Variants in A3GALT2 observed in about 807,000 individuals in gnomAD.
A3GALT2 encodes alpha-1,3-galactosyltransferase 2.
A3GALT2 carries 14 observed loss-of-function variants against 16.6 expected under a neutral mutation model. The observed-to-expected ratio is 0.84, with a 90% confidence interval of 0.56 to 1.32. The LOEUF (loss-of-function observed/expected upper bound fraction) is 1.32. A3GALT2 is among the 40% of genes most tolerant of loss of function. A3GALT2 has a pLI of 0.00. For synonymous variants in A3GALT2, 253 were observed against 218.0 expected (o/e 1.16, Z -1.42); for missense variants, 600 against 490.9 (o/e 1.22, Z -2.10).
At position 33,312,200 on chromosome 1, in the gene A3GALT2, C is replaced by G; in HGVS notation, c.198-11G>C. 6.2e-7 allele frequency: 1 copy of G among 1,612,636 alleles called. No homozygotes were observed. The highest frequency in any genetic ancestry group is 8.5e-7 in the Non-Finnish European group (1 of 1,179,594). ...ACTTCAGGCCGGGCCCTGGCCAGGG[C>G]AGGGATGGGAAATGGAAATAGCTCC... is the stretch of plus-strand genomic sequence containing the variant. On this transcript the variant is annotated splice_polypyrimidine_tract_variant and intron_variant, in intron 3 of 4. Transcript: ENST00000442999.
intron 4 of A3GALT2, among the ~76,000 whole-genome samples, chr1:33,311,169 A>G (rs936625988): frequency 1.3e-5 from 2 of 152,180 alleles, no homozygotes; most frequent in Non-Finnish European, 2.9e-5. Flanking sequence ...TCTGACTGCC[A>G]CTGTCAGCCA....
chr1:33,307,477 G>GCT, intron 4 of A3GALT2, 24 bp from the exon 5 acceptor site: 1 of 1,452,846 alleles, frequency 6.9e-7, no homozygotes, highest in Non-Finnish European at 9.0e-7. Context: ...GCCACCGTCA[G>GCT]CCTGAGAGTG....
At chr1:33,311,319 G>A (rs1432174187) in intron 4 of A3GALT2, among the ~76,000 whole-genome samples, 1 of 151,950 alleles carries the variant, frequency 6.6e-6, no homozygotes, top group African/African-American at 2.4e-5. Flanking sequence ...TGCCCTCCAC[G>A]GTCACCTGTT....
rs867740337 is a variant in A3GALT2, at chr1:33,306,988, C to T, written c.801G>A (p.Gly267=). The T allele has an allele frequency of 1.7e-5, 25 of 1,466,738 alleles. No individual in the cohort carries two copies. The African/African-American group carries it at 2.5e-4, about 15-fold the overall frequency. 90.9% of individuals were successfully genotyped at this position (1,466,738 alleles called of 1,614,324 possible). Reference sequence around the variant, plus strand: ...GGCCCCCCGCACAGTGCGCCGTCAGCCCGCGCAGCGCCGCCACGCTGCCCC... The same window carrying T: ...GGCCCCCCGCACAGTGCGCCGTCAGTCCGCGCAGCGCCGCCACGCTGCCCC... ...VFGGSVAALR[G]LTAHCAGGLD... is the part of the protein sequence containing the mutation. Residue 267 remains glycine (G), a synonymous_variant, in exon 5 of 5, where the codon GGG becomes GGA. Coordinates refer to ENST00000442999, the MANE Select transcript of A3GALT2 (RefSeq NM_001080438.1).
At position 33,306,929 on chromosome 1, in the gene A3GALT2, C is replaced by A. The variant is rs913778370; in HGVS notation, c.860G>T (p.Arg287Leu). The A allele has an allele frequency of 5.9e-6, 9 of 1,516,992 alleles. No individual in the cohort carries two copies. Among genetic ancestry groups the A allele is most frequent in the Non-Finnish European group, 7.0e-6 (8 of 1,138,760 alleles). 94.0% of individuals were successfully genotyped at this position (1,516,992 alleles called of 1,614,324 possible). The change falls in exon 5 of 5, where the codon CGC (arginine) becomes CTC (leucine). Residue 287 changes from arginine (R) to leucine (L), a missense_variant. Transcript: ENST00000442999. ...DWDRARGLEA[R>L]WHDESHLNKF... ...GTTGAGGTGGCTCTCGTCGTGCCAG[C>A]GCGCCTCCAGGCCGCGCGCGCGGTC...
rs770563385 is a variant in A3GALT2 at position 33,312,151 on chromosome 1, G to GC, written c.235dup (p.Ala79GlyfsTer19). On this transcript the variant is annotated frameshift_variant, in exon 4 of 5. Coordinates refer to ENST00000442999, the MANE Select transcript of A3GALT2 (RefSeq NM_001080438.1). LOFTEE classifies it high-confidence loss of function. ...GAAAGAGCCATCCCAAATAATGGGA[G>GC]CCCCCCAGGGGGTACAGGTCAGAAC... The GC allele has an allele frequency of 6.2e-6, 10 of 1,613,524 alleles. No individual in the cohort carries two copies. In the Admixed American group the frequency reaches 6.7e-5, roughly 11 times the overall value.
chr1:33,309,908 C>T (rs184275449), intron 4 of A3GALT2, among the ~76,000 whole-genome samples: 2,260 of 152,276 alleles, frequency 0.015, 21 homozygotes, highest in African/African-American at 0.029. Context: ...GGGAGGCGGC[C>T]GGGCAGAGGC....
In A3GALT2 at chr1:33,306,951, G is replaced by T. The variant is rs1484096575; in HGVS notation, c.838C>A (p.Arg280Ser). ...CAGCGCGCCTCCAGGCCGCGCGCGCGGTCCCAGTCCAGGCCCCCCGCACAG... is the reference window on the plus strand; with the variant it reads ...CAGCGCGCCTCCAGGCCGCGCGCGCTGTCCCAGTCCAGGCCCCCCGCACAG... ...AHCAGGLDWDRARGLEARWHD... is the reference protein window; with the variant it reads ...AHCAGGLDWDSARGLEARWHD... Residue 280 changes from arginine to serine, a missense_variant, in exon 5 of 5, where the codon CGC becomes AGC. Transcript: ENST00000442999. The T allele has an allele frequency of 1.3e-6, 2 of 1,507,428 alleles. No homozygotes were observed. Among genetic ancestry groups the T allele is most frequent in the Non-Finnish European group, 1.8e-6 (2 of 1,134,368 alleles). The allele number at this position is 1,507,428 out of a possible 1,614,324, so 93.4% of individuals were successfully genotyped here.
At chr1:33,319,662 A>T (rs1348369034) in intron 1 of A3GALT2, among the ~76,000 whole-genome samples, 1 of 152,126 alleles carries the variant, frequency 6.6e-6, no homozygotes, top group Admixed American at 6.5e-5. Context: ...GAGGCAGCAC[A>T]TGGGGCGTTC....
chr1:33,308,436 G>C (rs893507480), intron 4 of A3GALT2, among the ~76,000 whole-genome samples: 6 of 152,128 alleles, frequency 3.9e-5, no homozygotes, highest in South Asian at 4.2e-4. Context: ...ATAGCGTTTC[G>C]CTCCTGTGGC....
chr1:33,313,228 C>T (rs995859883), intron 1 of A3GALT2: 5 of 194,856 alleles, frequency 2.6e-5, no homozygotes, highest in African/African-American at 1.4e-4. Flanking sequence ...GTCACCCAGG[C>T]TGGAGTGTTG....
chr1:33,308,488 C>T (rs1646214468), intron 4 of A3GALT2, among the ~76,000 whole-genome samples: 1 of 152,146 alleles, frequency 6.6e-6, no homozygotes, highest in African/African-American at 2.4e-5. Flanking sequence ...TCACTACAAC[C>T]TCTGCCTCCC....
At chr1:33,316,452 C>A (rs1252955067) in intron 1 of A3GALT2, among the ~76,000 whole-genome samples, 4 of 152,116 alleles carry the variant, frequency 2.6e-5, no homozygotes, top group African/African-American at 9.7e-5. Flanking sequence ...AAACAAAAAA[C>A]CCAAAAACCA....
chr1:33,308,750 GTTTTTTTTTT>G (rs56655319), intron 4 of A3GALT2, among the ~76,000 whole-genome samples: 4 of 46,128 alleles, frequency 8.7e-5, no homozygotes, highest in African/African-American at 2.4e-4. Context: ...TGTCAAAGTT[GTTTTTTTTTT>G]TTTTTTTTTT....
intron 1 of A3GALT2, among the ~76,000 whole-genome samples, chr1:33,319,351 C>G (rs1214366773): frequency 6.6e-6 from 1 of 152,148 alleles, no homozygotes; most frequent in Non-Finnish European, 1.5e-5. Flanking sequence ...AGCAAGGGGG[C>G]TGGGCCAGGG....
chr1:33,312,645 G>T (rs747064086), intron 2 of A3GALT2, 55 bp from the exon 3 acceptor site: 94 of 1,500,294 alleles, frequency 6.3e-5, no homozygotes, highest in Non-Finnish European at 8.3e-5. Flanking sequence ...TGTCAGCCTG[G>T]CCAGGAGCCC....
At chr1:33,309,821 T>C (rs1409125522) in intron 4 of A3GALT2, among the ~76,000 whole-genome samples, 2 of 117,104 alleles carry the variant, frequency 1.7e-5, no homozygotes, top group African/African-American at 3.4e-5. Flanking sequence ...CTTCCCAGAC[T>C]GGGCGGCCGG....
Position 33,306,919 on chromosome 1 carries a change from G to C in A3GALT2, c.870C>G (p.Asp290Glu). The C allele has an allele frequency of 1.3e-6, 2 of 1,520,402 alleles. No individual in the cohort carries two copies. Among genetic ancestry groups the C allele is most frequent in the Non-Finnish European group, 1.8e-6 (2 of 1,140,142 alleles). The allele number at this position is 1,520,402 out of a possible 1,614,324, so 94.2% of individuals were successfully genotyped here. ...RARGLEARWHDESHLNKFFWL... is the reference protein window; with the variant it reads ...RARGLEARWHEESHLNKFFWL... ...AGAAGAACTTGTTGAGGTGGCTCTC[G>C]TCGTGCCAGCGCGCCTCCAGGCCGC... The change falls in exon 5 of 5, where the codon GAC (aspartate) becomes GAG (glutamate). Residue 290 changes from aspartate (D) to glutamate (E), a missense_variant. By Grantham distance (45) the Asp-to-Glu change is conservative (BLOSUM62 2). Coordinates refer to ENST00000442999, the MANE Select transcript of A3GALT2 (RefSeq NM_001080438.1).
Position 33,307,302 on chromosome 1 carries a change from C to G in A3GALT2, c.487G>C (p.Val163Leu), listed in dbSNP as rs747499514. Residue 163 changes from valine (V) to leucine (L), a missense_variant, in exon 5 of 5, where the codon GTG becomes CTG. Transcript: ENST00000442999. Reference sequence around the variant, plus strand: ...TCTTGCCAGCGCCGCTCGCGCGCCACGCGCTCCACGGGCAGCCGGCGTCCC... The same window carrying G: ...TCTTGCCAGCGCCGCTCGCGCGCCAGGCGCTCCACGGGCAGCCGGCGTCCC... Reference protein sequence around the residue: ...GPGRRLPVERVARERRWQDVS... With the variant: ...GPGRRLPVERLARERRWQDVS... 1 of 1,474,630 alleles carries G rather than the reference C, an allele frequency of 6.8e-7. No individual in the cohort carries two copies. The highest frequency in any genetic ancestry group is 8.9e-7 in the Non-Finnish European group (1 of 1,123,992). 91.3% of individuals were successfully genotyped at this position (1,474,630 alleles called of 1,614,324 possible).
Sources: allele counts gnomAD v4.1 joint callset (sites outside exome capture counted in the v4.1 genomes callset), GRCh38; gene constraint gnomAD v4.1.1; transcripts MANE v1.5; gene names NCBI Gene and HGNC (gene_info 2026-07-23, HGNC 2026-07-21).